ZC3H12B: variants seen among roughly 807,000 people sequenced by gnomAD.
ZC3H12B encodes the protein zinc finger CCCH-type containing 12B.
Under a neutral mutation model 43.9 loss-of-function variants are expected in ZC3H12B, and 7 were observed. That is an observed-to-expected ratio of 0.16 (90% confidence interval 0.09 to 0.30). The LOEUF is 0.30. Ranked by LOEUF, ZC3H12B falls within the 10% of genes least tolerant of loss-of-function variation. The pLI is 1.00. For synonymous variants in ZC3H12B, 222 were observed against 241.7 expected (o/e 0.92, Z 0.76); for missense variants, 475 against 670.2 (o/e 0.71, Z 3.22).
At chrX:65,376,338 G>A (rs2066346018) in intron 2 of ZC3H12B, among the ~76,000 whole-genome samples, 1 of 112,110 alleles carries the variant, frequency 8.9e-6, no homozygotes, top group South Asian at 3.7e-4. Flanking sequence ...CCCTGGTACT[G>A]GAGAAACTTG....
intron 3 of ZC3H12B, chrX:65,469,425 C>T: frequency 2.2e-6 from 1 of 462,466 alleles, no homozygotes; most frequent in Non-Finnish European, 4.0e-6. Context: ...GTCGGGAATG[C>T]CAGAGCTGCG....
chrX:65,382,112 A>T (rs763856084), intron 2 of ZC3H12B, among the ~76,000 whole-genome samples: 1 of 112,065 alleles, frequency 8.9e-6, no homozygotes, highest in South Asian at 3.7e-4. Flanking sequence ...TGAGGCCAGC[A>T]TCATCCTGAT....
the ZC3H12B span, among the ~76,000 whole-genome samples, chrX:65,278,741 A>G: frequency 1.8e-5 from 2 of 110,817 alleles, no homozygotes; most frequent in East Asian, 2.8e-4. Flanking sequence ...AGATTATTTT[A>G]TCATCCAGGT....
intron 2 of ZC3H12B, among the ~76,000 whole-genome samples, chrX:65,380,027 C>T (rs1182229508): frequency 1.8e-5 from 2 of 112,184 alleles, no homozygotes; most frequent in African/African-American, 6.5e-5. Context: ...AGTTGGAAAA[C>T]ACTCTGCAGG....
chrX:65,296,275 A>C, the ZC3H12B span, among the ~76,000 whole-genome samples: 1 of 111,521 alleles, frequency 9.0e-6, no homozygotes, highest in South Asian at 3.8e-4. Flanking sequence ...CAGATATCTT[A>C]TGTTCTCACG....
chrX:65,143,723 C>T, the ZC3H12B span, among the ~76,000 whole-genome samples: 1 of 107,776 alleles, frequency 9.3e-6, no homozygotes, highest in Non-Finnish European at 1.9e-5. Flanking sequence ...CCACCATGCC[C>T]AGCTAATTTT....
chrX:65,370,782 A>T (rs1437124475), intron 2 of ZC3H12B, among the ~76,000 whole-genome samples: 1 of 111,958 alleles, frequency 8.9e-6, no homozygotes, highest in Non-Finnish European at 1.9e-5. Flanking sequence ...CCTGCTTAAC[A>T]GTTCATATTA....
rs1188846673 is a variant in ZC3H12B, at chrX:65,450,744, T to G, written n.408-37902T>G. On this transcript the variant is annotated intron_variant and non_coding_transcript_variant, in intron 3 of 5. Coordinates refer to the ZC3H12B transcript ENST00000617377. Reference sequence around the variant, plus strand: ...ACATATGTGTATATATGTATATATATATACATATGTGTATATATGTATATG... The same window carrying G: ...ACATATGTGTATATATGTATATATAGATACATATGTGTATATATGTATATG... Among the ~76,000 whole-genome samples the G allele has an allele frequency of 4.3e-3, 238 of 54,783 alleles. 3 individuals are homozygous for G. The highest frequency in any genetic ancestry group is 6.2e-3 in the South Asian group (6 of 964). The allele number at this position is 54,783 out of a possible 115,157, so 47.6% of individuals were successfully genotyped here. A position where few individuals can be genotyped will look rare whatever the true frequency, so the allele number is the denominator to read the frequency against.
chrX:65,157,447 A>G, the ZC3H12B span, among the ~76,000 whole-genome samples: 2 of 112,194 alleles, frequency 1.8e-5, no homozygotes, highest in African/African-American at 6.5e-5. Context: ...TATTACAATT[A>G]TGTAGTGGTG....
the ZC3H12B span, among the ~76,000 whole-genome samples, chrX:65,276,959 C>T: frequency 9.0e-6 from 1 of 111,339 alleles, no homozygotes; most frequent in Non-Finnish European, 1.9e-5. Context: ...CAAGACCCAA[C>T]TATATTCTGA....
At chrX:65,407,669 A>T (rs1444801047) in intron 3 of ZC3H12B, among the ~76,000 whole-genome samples, 1 of 113,389 alleles carries the variant, frequency 8.8e-6, no homozygotes, top group Non-Finnish European at 1.9e-5. Flanking sequence ...GCCCGTCTGG[A>T]TTTGTTTGCC....
At chrX:65,459,886 G>C (rs2067708170) in intron 3 of ZC3H12B, among the ~76,000 whole-genome samples, 1 of 111,249 alleles carries the variant, frequency 9.0e-6, no homozygotes, top group African/African-American at 3.3e-5. Flanking sequence ...GGAAATAAAG[G>C]GTATTCAATT....
intron 3 of ZC3H12B, among the ~76,000 whole-genome samples, chrX:65,457,422 G>C (rs373383975): frequency 1.4e-5 from 1 of 71,085 alleles, no homozygotes; most frequent in African/African-American, 6.8e-5. Context: ...CTGGCCGGCC[G>C]CCCCGTCCGG....
chrX:65,465,359 T>C (rs1483489515), intron 3 of ZC3H12B, among the ~76,000 whole-genome samples: 1 of 111,506 alleles, frequency 9.0e-6, no homozygotes, highest in African/African-American at 3.2e-5. Flanking sequence ...AAGTGCCACT[T>C]TTTTTCTCTA....
the ZC3H12B span, among the ~76,000 whole-genome samples, chrX:65,323,756 G>A: frequency 8.9e-6 from 1 of 111,818 alleles, no homozygotes; most frequent in Non-Finnish European, 1.9e-5. Context: ...CTAGATCCTG[G>A]AGGAATTGCC....
chrX:65,430,803 G>A (rs930840866), intron 3 of ZC3H12B, among the ~76,000 whole-genome samples: 5 of 111,023 alleles, frequency 4.5e-5, no homozygotes, highest in African/African-American at 1.6e-4. Context: ...TCTTTTGGCT[G>A]AGGATGGGGG....
chrX:65,505,614 C>T (rs980109344), exon 5 of ZC3H12B: 1 of 112,519 alleles, frequency 8.9e-6, no homozygotes, highest in African/African-American at 3.2e-5. Context: ...AAATCGGACT[C>T]GTGTCTAAAT....
the ZC3H12B span, among the ~76,000 whole-genome samples, chrX:65,145,502 T>G: frequency 8.0e-5 from 9 of 111,869 alleles, no homozygotes; most frequent in African/African-American, 2.9e-4. Flanking sequence ...TACCATTTTA[T>G]TCTTCGTGCT....
chrX:65,133,895 C>T, the ZC3H12B span, among the ~76,000 whole-genome samples: 1 of 110,806 alleles, frequency 9.0e-6, no homozygotes, highest in African/African-American at 3.3e-5. Flanking sequence ...GAATGCCTGG[C>T]AGTCAGGCAC....
Sources: allele counts gnomAD v4.1 joint callset (sites outside exome capture counted in the v4.1 genomes callset), GRCh38; gene constraint gnomAD v4.1.1; transcripts MANE v1.5; gene names NCBI Gene and HGNC (gene_info 2026-07-23, HGNC 2026-07-21).